The following FBXO42 variants were observed in gnomAD, a reference collection of about 807,000 sequenced individuals.
FBXO42 encodes the protein F-box only protein 42.
FBXO42 carries 12 observed loss-of-function variants against 71.7 expected under a neutral mutation model. The ratio of observed to expected loss-of-function variants is 0.17; its 90% CI spans 0.11 to 0.27. The LOEUF (loss-of-function observed/expected upper bound fraction) is 0.27, where lower values mean the gene tolerates loss of function less well. Among genes scored for constraint, FBXO42 ranks in the 10% least tolerant of loss-of-function variants. The pLI, the probability that FBXO42 is intolerant of heterozygous loss-of-function variation, is 1.00. For synonymous variants in FBXO42, 325 were observed against 327.5 expected, an observed-to-expected ratio of 0.99 and a Z score of 0.08; for missense variants, 707 against 911.9, an observed-to-expected ratio of 0.78 and a Z score of 2.89.
intron 1 of FBXO42, among the ~76,000 whole-genome samples, chr1:16,323,434 AC>A (rs1446571703): frequency 6.6e-6 from 1 of 152,010 alleles, no homozygotes; most frequent in African/African-American, 2.4e-5. Flanking sequence ...AAACAAACAA[AC>A]AAAAAAAGTA....
At position 16,301,957 on chromosome 1, in the gene FBXO42, G is replaced by A. The variant is rs1160688011; in HGVS notation, c.367+3846C>T. 2.0e-5 allele frequency among the ~76,000 whole-genome samples: 3 copies of A among 152,082 alleles called. No individual in the cohort carries two copies. The East Asian group carries it at 5.8e-4, about 29-fold the overall frequency. ...GCAATCTATGGCACAAACAGAATTT[G>A]TCATATCCATTTTTCAGACAAAGAA... On this transcript the variant is annotated intron_variant, in intron 3 of 9. Transcript: ENST00000375592.
chr1:16,281,617 GATC>G (rs1276283230), intron 4 of FBXO42, among the ~76,000 whole-genome samples: 1 of 150,846 alleles, frequency 6.6e-6, no homozygotes, highest in African/African-American at 2.4e-5. Flanking sequence ...TACAGGTATG[GATC>G]ACCATGCCTG....
chr1:16,315,049 C>CT, intron 2 of FBXO42, 120 bp downstream of exon 2: 1 of 1,111,892 alleles, frequency 9.0e-7, no homozygotes, highest in African/African-American at 1.6e-5. Flanking sequence ...GTAGTATCGT[C>CT]TAATGCTAGA....
At chr1:16,277,301 T>G (rs1176279823) in intron 4 of FBXO42, among the ~76,000 whole-genome samples, 1 of 152,250 alleles carries the variant, frequency 6.6e-6, no homozygotes, top group Non-Finnish European at 1.5e-5. Context: ...ATTTTAAAAA[T>G]GTATAAAGTG....
intron 1 of FBXO42, among the ~76,000 whole-genome samples, chr1:16,335,196 G>C (rs564569768): frequency 6.6e-6 from 1 of 152,060 alleles, no homozygotes; most frequent in Non-Finnish European, 1.5e-5. Context: ...AGGAGTCTGA[G>C]GTGGGAGGAC....
chr1:16,347,970 C>T (rs1482690989), intron 1 of FBXO42, among the ~76,000 whole-genome samples: 2 of 140,694 alleles, frequency 1.4e-5, no homozygotes, highest in South Asian at 2.2e-4. Flanking sequence ...TCTAGCCTGG[C>T]GACAGACCCG....
At chr1:16,307,130 G>A (rs906783221) in intron 2 of FBXO42, among the ~76,000 whole-genome samples, 22 of 152,174 alleles carry the variant, frequency 1.4e-4, no homozygotes, top group Non-Finnish European at 2.9e-4. Flanking sequence ...CACCTCAGGC[G>A]ATCCACCCGC....
At chr1:16,351,598 CA>C (rs1423223134) in intron 1 of FBXO42, among the ~76,000 whole-genome samples, 2 of 152,176 alleles carry the variant, frequency 1.3e-5, no homozygotes, top group Admixed American at 1.3e-4. Context: ...CAAGATCTCA[CA>C]ATCGTTTTCT....
chr1:16,289,660 C>A (rs2082057977), intron 4 of FBXO42, among the ~76,000 whole-genome samples: 1 of 152,094 alleles, frequency 6.6e-6, no homozygotes, highest in South Asian at 2.1e-4. Flanking sequence ...CTTTAGGTCT[C>A]AGCCAAAAAC....
At chr1:16,311,499 AAAAAAT>A (rs2082312369) in intron 2 of FBXO42, among the ~76,000 whole-genome samples, 1 of 68,708 alleles carries the variant, frequency 1.5e-5, no homozygotes, top group African/African-American at 5.3e-5. Flanking sequence ...AAAAAAAAAA[AAAAAAT>A]ATATATATAT....
chr1:16,345,949 C>CA (rs529277927), intron 1 of FBXO42, among the ~76,000 whole-genome samples: 109 of 151,574 alleles, frequency 7.2e-4, no homozygotes, highest in Non-Finnish European at 1.5e-3. Context: ...CTTGTTGTGA[C>CA]AAAAAATAAG....
rs2081612575 is a variant in FBXO42 at position 16,253,621 on chromosome 1, TA to T, written c.864+13del. 6.2e-7 allele frequency: 1 copy of T among 1,613,522 alleles called. No homozygotes were observed. The highest frequency in any genetic ancestry group is 8.5e-7 in the Non-Finnish European group (1 of 1,179,556). ...TACAGTGTTTGCTGAATAGTTATTTTAATTCCTGAGCACCTGAGATTGGCCA... is the reference window on the plus strand; with the variant it reads ...TACAGTGTTTGCTGAATAGTTATTTTATTCCTGAGCACCTGAGATTGGCCA... On this transcript the variant is annotated intron_variant, in intron 7 of 9. Transcript: ENST00000375592.
At chr1:16,316,603 C>A (rs975064784) in intron 1 of FBXO42, among the ~76,000 whole-genome samples, 2 of 151,424 alleles carry the variant, frequency 1.3e-5, no homozygotes, top group African/African-American at 4.9e-5. Context: ...GGTGTAGTGG[C>A]GCGTGCCTGT....
intron 4 of FBXO42, among the ~76,000 whole-genome samples, chr1:16,280,927 A>C (rs886781264): frequency 6.6e-6 from 1 of 152,024 alleles, no homozygotes; most frequent in Non-Finnish European, 1.5e-5. Flanking sequence ...GGTGATTGTG[A>C]GCTTTGGTTT....
chr1:16,261,743 G>A (rs536732253), intron 4 of FBXO42, among the ~76,000 whole-genome samples: 1 of 151,632 alleles, frequency 6.6e-6, no homozygotes, highest in African/African-American at 2.4e-5. Context: ...TCACTCTGTC[G>A]CTCAGGCTGG....
In FBXO42 at chr1:16,253,481, T is replaced by C. The variant is rs2081611442; in HGVS notation, c.864+154A>G. On this transcript the variant is annotated intron_variant, in intron 7 of 9. Coordinates refer to ENST00000375592, the MANE Select transcript of FBXO42 (RefSeq NM_018994.3). ...AAACCACTATAAATAATATGACCCA[T>C]TAGAAGTTGAAAAATAAATACCAGT... is the stretch of plus-strand genomic sequence containing the variant. The C allele has an allele frequency of 2.3e-5, 15 of 653,412 alleles. No individual in the cohort carries two copies. The South Asian group carries it at 3.0e-4, about 13-fold the overall frequency. 40.5% of individuals were successfully genotyped at this position (653,412 alleles called of 1,614,324 possible).
intron 1 of FBXO42, among the ~76,000 whole-genome samples, chr1:16,318,408 A>T (rs1362719300): frequency 6.7e-6 from 1 of 148,554 alleles, no homozygotes; most frequent in East Asian, 1.9e-4. Flanking sequence ...ACAGAGCAAG[A>T]CTCCGTCTTA....
At chr1:16,281,391 C>T (rs552920018) in intron 4 of FBXO42, among the ~76,000 whole-genome samples, 2 of 152,124 alleles carry the variant, frequency 1.3e-5, no homozygotes, top group Non-Finnish European at 2.9e-5. Flanking sequence ...TCAAGGTCCA[C>T]GTACATCTCC....
chr1:16,302,327 C>T (rs1400386838), intron 3 of FBXO42, among the ~76,000 whole-genome samples: 1 of 152,104 alleles, frequency 6.6e-6, no homozygotes, highest in Admixed American at 6.6e-5. Context: ...TGTATTAGTC[C>T]ATTTTCACAC....
Sources: gnomAD v4.1 joint callset for allele counts (sites outside exome capture counted in the v4.1 genomes callset) on GRCh38, gnomAD v4.1.1 for gene constraint, MANE v1.5 for transcripts, NCBI Gene and HGNC (gene_info 2026-07-23, HGNC 2026-07-21) for gene names.